Variants in SLC22A23 observed in about 807,000 individuals in gnomAD.
SLC22A23 encodes the protein ion transporter protein.
In SLC22A23, 26 loss-of-function variants were observed where a neutral mutation model predicts 61.0. That is an observed-to-expected ratio of 0.43 (90% CI 0.31 to 0.59). SLC22A23 has a LOEUF of 0.59. SLC22A23 is among the 20% of genes least tolerant of loss of function. SLC22A23 has a pLI of 0.11. For missense variants in SLC22A23, 796 were observed against 934.7 expected (o/e 0.85, Z 1.94); for synonymous variants, 430 against 413.9 (o/e 1.04, Z -0.47).
At chr6:3,315,988 A>G (rs568921583) in intron 4 of SLC22A23, among the ~76,000 whole-genome samples, 101 of 152,278 alleles carry the variant, frequency 6.6e-4, no homozygotes, top group Admixed American at 1.9e-3. Flanking sequence ...GTGCTTCCCA[A>G]ACAGCAGGGC....
intron 1 of SLC22A23, among the ~76,000 whole-genome samples, chr6:3,433,785 C>T (rs574140637): frequency 3.9e-5 from 6 of 152,238 alleles, no homozygotes; most frequent in South Asian, 2.1e-4. Context: ...GAGACTGACA[C>T]GGCGGACCAC....
At chr6:3,282,729 A>G (rs7756254) in intron 9 of SLC22A23, among the ~76,000 whole-genome samples, 10,596 of 152,348 alleles carry the variant, frequency 0.07, 544 homozygotes, top group Non-Finnish European at 0.11. Flanking sequence ...TCAGTGTGGT[A>G]TAACTCAAGC....
chr6:3,272,406 C>A lies in SLC22A23; in HGVS notation c.*649G>T, dbSNP rs1437663247. On this transcript the variant is annotated 3_prime_UTR_variant, in exon 10 of 10. Coordinates refer to ENST00000406686, the MANE Select transcript of SLC22A23 (RefSeq NM_015482.2). ...CTCCAAGAGCTTCCAGCATCAAGTACAAAAGGATGATCCTGAAGGAAAGAT... is the reference window on the plus strand; with the variant it reads ...CTCCAAGAGCTTCCAGCATCAAGTAAAAAAGGATGATCCTGAAGGAAAGAT... 1 of 152,648 alleles carries A rather than the reference C, an allele frequency of 6.6e-6. No individual in the cohort carries two copies. Among genetic ancestry groups the A allele is most frequent in the Non-Finnish European group, 1.5e-5 (1 of 68,028 alleles). The allele number at this position is 152,648 out of a possible 1,614,324, so 9.5% of individuals were successfully genotyped here.
At chr6:3,411,043 C>A (rs1427969841) in intron 2 of SLC22A23, among the ~76,000 whole-genome samples, 2 of 152,152 alleles carry the variant, frequency 1.3e-5, no homozygotes, top group Non-Finnish European at 2.9e-5. Flanking sequence ...ACCCTCAATT[C>A]GTGGGTTCTG....
intron 4 of SLC22A23, among the ~76,000 whole-genome samples, chr6:3,310,993 G>A (rs1255961105): frequency 6.6e-6 from 1 of 152,236 alleles, no homozygotes; most frequent in Non-Finnish European, 1.5e-5. Context: ...GTGCAGACAG[G>A]TGTGCCTTCC....
At chr6:3,397,321 C>T (rs1768077743) in intron 3 of SLC22A23, among the ~76,000 whole-genome samples, 1 of 152,190 alleles carries the variant, frequency 6.6e-6, no homozygotes, top group African/African-American at 2.4e-5. Context: ...AAAAGTTCAC[C>T]TTTGCACAGT....
At chr6:3,444,978 G>A in intron 1 of SLC22A23, 1 of 985,540 alleles carries the variant, frequency 1.0e-6, no homozygotes, top group Non-Finnish European at 1.2e-6. Flanking sequence ...AGGGGAGGAA[G>A]GAAGGCACCT....
At chr6:3,340,745 C>T (rs561960838) in intron 3 of SLC22A23, among the ~76,000 whole-genome samples, 114 of 152,278 alleles carry the variant, frequency 7.5e-4, no homozygotes, top group African/African-American at 2.3e-3. Flanking sequence ...AGCCGCATGA[C>T]GTGCTAGAGA....
At chr6:3,332,811 T>G (rs934417888) in intron 3 of SLC22A23, among the ~76,000 whole-genome samples, 1 of 152,172 alleles carries the variant, frequency 6.6e-6, no homozygotes, top group Admixed American at 6.5e-5. Flanking sequence ...GATCCACATA[T>G]TACATATCTT....
intron 4 of SLC22A23, among the ~76,000 whole-genome samples, chr6:3,301,484 G>C (rs534311916): frequency 6.6e-6 from 1 of 152,290 alleles, no homozygotes; most frequent in Non-Finnish European, 1.5e-5. Context: ...TTTGAAATAC[G>C]GCATACAACG....
At chr6:3,389,776 T>C (rs1767548436) in intron 3 of SLC22A23, among the ~76,000 whole-genome samples, 2 of 152,244 alleles carry the variant, frequency 1.3e-5, no homozygotes, top group South Asian at 4.1e-4. Context: ...GAATCACCCC[T>C]GCAAAGCAGG....
chr6:3,435,133 G>T (rs2127543740), intron 1 of SLC22A23, among the ~76,000 whole-genome samples: 1 of 151,920 alleles, frequency 6.6e-6, no homozygotes, highest in African/African-American at 2.4e-5. Context: ...CTGGGATTCA[G>T]GCTGCTGGGG....
chr6:3,283,925 CCACGATGGAAAA>C lies in SLC22A23; in HGVS notation c.1618_1629del (p.Phe540_Val543del), dbSNP rs1759722519. ...CCCACCGCATGGGAGGCAAACATGC[CCACGATGGAAAA>C]CGCGATGGAAAATTTGTCCTTGACG... On this transcript the variant is annotated inframe_deletion, in exon 9 of 10. Coordinates refer to ENST00000406686, the MANE Select transcript of SLC22A23 (RefSeq NM_015482.2). 4 of 1,609,778 alleles carry C rather than the reference CCACGATGGAAAA, an allele frequency of 2.5e-6. No homozygotes were observed. Among genetic ancestry groups the C allele is most frequent in the Non-Finnish European group, 2.6e-6 (3 of 1,176,400 alleles).
At chr6:3,442,712 A>G (rs1352108992) in intron 1 of SLC22A23, among the ~76,000 whole-genome samples, 1 of 152,154 alleles carries the variant, frequency 6.6e-6, no homozygotes, top group Non-Finnish European at 1.5e-5. Context: ...AGCCAGCATT[A>G]TCTCCCTTGC....
Position 3,456,116 on chromosome 6 carries a change from G to A in SLC22A23, c.444C>T (p.Asp148=). 1.9e-6 allele frequency: 3 copies of A among 1,550,810 alleles called. No homozygotes were observed. Among genetic ancestry groups the A allele is most frequent in the East Asian group, 2.4e-5 (1 of 40,960 alleles). ...TGGGGAGGCTGGTCCAGTTGCCCAT[G>A]TCCCCGCCCCGGCCTGTGGTGGTGA... ...AGVTTTGRGG[D]MGNWTSLPTT... The change falls in exon 1 of 10, where the codon GAC becomes GAT. Residue 148 remains aspartate, a synonymous_variant. Coordinates refer to ENST00000406686, the MANE Select transcript of SLC22A23 (RefSeq NM_015482.2). This position sits in a 1 kb window ranked among gnomAD's most constrained non-coding sequence, Gnocchi z 7.1.
intron 1 of SLC22A23, among the ~76,000 whole-genome samples, chr6:3,444,666 G>T (rs914825170): frequency 2.0e-5 from 3 of 152,212 alleles, no homozygotes; most frequent in Non-Finnish European, 2.9e-5. Flanking sequence ...AGGTCCCCTG[G>T]CTTTCTGATC....
At chr6:3,396,836 G>A (rs758872723) in intron 3 of SLC22A23, among the ~76,000 whole-genome samples, 13 of 152,158 alleles carry the variant, frequency 8.5e-5, no homozygotes, top group Non-Finnish European at 1.3e-4. Context: ...AACTACTTCC[G>A]CTCAATAAAA....
rs551495507 is a variant in SLC22A23 at position 3,337,048 on chromosome 6, T to G, written c.914-13046A>C. On this transcript the variant is annotated intron_variant, in intron 3 of 9. Coordinates refer to ENST00000406686, the MANE Select transcript of SLC22A23 (RefSeq NM_015482.2). The stretch of plus-strand genomic sequence containing the variant: ...GTCTTGAACTCCTGAGCTCAAACAA[T>G]CTTCCTACCTCAGCCTCCCAAAGTG... 3.3e-5 allele frequency among the ~76,000 whole-genome samples: 5 copies of G among 152,266 alleles called. No homozygotes were observed. The East Asian group carries it at 9.6e-4, about 29-fold the overall frequency.
At chr6:3,375,458 C>T (rs1766504166) in intron 3 of SLC22A23, among the ~76,000 whole-genome samples, 1 of 152,208 alleles carries the variant, frequency 6.6e-6, no homozygotes, top group Non-Finnish European at 1.5e-5. Context: ...AAACCATTCG[C>T]TGACTATGGT....
Sources: allele counts gnomAD v4.1 joint callset (sites outside exome capture counted in the v4.1 genomes callset), GRCh38; gene constraint gnomAD v4.1.1; non-coding constraint Gnocchi (gnomAD v3.1); transcripts MANE v1.5; gene names NCBI Gene and HGNC (gene_info 2026-07-23, HGNC 2026-07-21).